The following NCAPD3 variants were observed in gnomAD, a reference collection of about 807,000 sequenced individuals.
NCAPD3 encodes condensin-2 complex subunit D3.
In NCAPD3, 105 loss-of-function variants were observed where a neutral mutation model predicts 182.9. That is an observed-to-expected ratio of 0.57 (90% CI 0.49 to 0.68). The LOEUF is 0.68. NCAPD3 is among the 30% of genes least tolerant of loss of function. The probability of loss-of-function intolerance (pLI) is 0.00; values close to 1 mark genes in which losing one functional copy is unlikely to be tolerated. For missense variants in NCAPD3, 1,944 were observed against 1,837.0 expected, an observed-to-expected ratio of 1.06 and a Z score of -1.07; for synonymous variants, 815 against 679.9, an observed-to-expected ratio of 1.20 and a Z score of -3.09.
rs1944551445 is a variant in NCAPD3 at position 134,192,777 on chromosome 11, G to C, written c.1957C>G (p.His653Asp). 5.6e-6 allele frequency: 9 copies of C among 1,614,228 alleles called. No homozygotes were observed. The highest frequency in any genetic ancestry group is 6.8e-6 in the Non-Finnish European group (8 of 1,180,050). ...TCCCCAGAGTGAAAATGACTGTGATGCCGGATGTTCTGCAGCAGCAGCTGG... is the reference window on the plus strand; with the variant it reads ...TCCCCAGAGTGAAAATGACTGTGATCCCGGATGTTCTGCAGCAGCAGCTGG... ...LDQLLLQNIRHHSHFHSGDDS... is the reference protein window; with the variant it reads ...LDQLLLQNIRDHSHFHSGDDS... Residue 653 changes from histidine to aspartate, a missense_variant, in exon 16 of 35, where the codon CAT (histidine) becomes GAT (aspartate). Physicochemically the swap from His to Asp is moderately conservative, Grantham distance 81. This residue lies in a region of NCAPD3 where 1,803 missense variants were observed against 1,674.6 expected (regional missense o/e 1.08). Transcript: ENST00000534548.
intron 13 of NCAPD3, among the ~76,000 whole-genome samples, chr11:134,196,435 G>T (rs751879381): frequency 1.3e-5 from 2 of 152,102 alleles, no homozygotes; most frequent in Non-Finnish European, 2.9e-5. Flanking sequence ...CCTGAGGTCA[G>T]GAGTTCAAGA....
chr11:134,179,173 G>C (rs534352875), intron 20 of NCAPD3, among the ~76,000 whole-genome samples: 76 of 152,288 alleles, frequency 5.0e-4, no homozygotes, highest in African/African-American at 1.7e-3. Flanking sequence ...ACATCTGCAA[G>C]TAAAAGGGGG....
intron 13 of NCAPD3, among the ~76,000 whole-genome samples, chr11:134,197,402 A>G (rs1591850847): frequency 6.7e-6 from 1 of 150,048 alleles, no homozygotes; most frequent in African/African-American, 2.5e-5. Flanking sequence ...TCAGCCTCCT[A>G]AGTAGCTGAG....
chr11:134,224,987 A>C, upstream of NCAPD3: 1 of 667,500 alleles, frequency 1.5e-6, no homozygotes, highest in Non-Finnish European at 2.1e-6. Flanking sequence ...GCCCGGCGGC[A>C]GCGGCGGAGC....
In NCAPD3 at chr11:134,204,012, A is replaced by G. The variant is rs757651468; in HGVS notation, c.1215+34T>C. ...AGACCCTTTTAAAAAGAGTTTAAAA[A>G]GGACCCAAGGTTTTATGCAGAGCTA... On this transcript the variant is annotated intron_variant, in intron 10 of 34. Transcript: ENST00000534548. The surrounding 1 kb of genome is among the most constrained non-coding windows in gnomAD (Gnocchi z 4.3). 3.1e-6 allele frequency: 5 copies of G among 1,603,078 alleles called. No individual in the cohort carries two copies. The African/African-American group carries it at 5.4e-5, about 17-fold the overall frequency.
At chr11:134,225,075 G>C, upstream of NCAPD3, 3 of 1,531,718 alleles carry the variant, frequency 2.0e-6, no homozygotes, top group Non-Finnish European at 2.6e-6. Flanking sequence ...CCCGCGCCCC[G>C]GTGCGAGGGA....
At chr11:134,224,213 C>T (rs751154697), upstream of NCAPD3, 10 of 538,884 alleles carry the variant, frequency 1.9e-5, no homozygotes, top group Non-Finnish European at 3.3e-5. Flanking sequence ...AGCGTTTTTC[C>T]CGCCTCGTTT....
At chr11:134,169,498 T>A (rs1943955150) in intron 24 of NCAPD3, among the ~76,000 whole-genome samples, 1 of 152,142 alleles carries the variant, frequency 6.6e-6, no homozygotes, top group Admixed American at 6.5e-5. Context: ...CAAAAACCAA[T>A]TTTAGTAACT....
chr11:134,188,496 T>A (rs1944458526), intron 16 of NCAPD3, among the ~76,000 whole-genome samples: 1 of 151,240 alleles, frequency 6.6e-6, no homozygotes, highest in African/African-American at 2.5e-5. Flanking sequence ...TGCTGCTCAC[T>A]CTTTGGGTCC....
At chr11:134,207,429 C>T (rs1378967920) in intron 7 of NCAPD3, among the ~76,000 whole-genome samples, 1 of 152,044 alleles carries the variant, frequency 6.6e-6, no homozygotes, top group Admixed American at 6.6e-5. Flanking sequence ...CATTGCCTGA[C>T]ATCAAGTCAG....
intron 28 of NCAPD3, among the ~76,000 whole-genome samples, chr11:134,161,530 A>G (rs1349504177): frequency 6.6e-6 from 1 of 152,242 alleles, no homozygotes; most frequent in Non-Finnish European, 1.5e-5. Context: ...CTTGAACTCC[A>G]TTAAGGGAAG....
chr11:134,204,923 G>A lies in NCAPD3; in HGVS notation c.1065C>T (p.Ile355=), dbSNP rs1813672559. 1.2e-6 allele frequency: 2 copies of A among 1,613,586 alleles called. No individual in the cohort carries two copies. Among genetic ancestry groups the A allele is most frequent in the Non-Finnish European group, 1.7e-6 (2 of 1,179,618 alleles). ...LKESIFPVVR[I]LLQHICAKVV... ...CCTTGGCACAGATGTGCTGCAGTAA[G>A]ATACGGACGACTGGGAATATACTCT... is the stretch of plus-strand genomic sequence containing the variant. Residue 355 remains isoleucine (I), a synonymous_variant, in exon 9 of 35, where the codon ATC becomes ATT. Coordinates refer to ENST00000534548, the MANE Select transcript of NCAPD3 (RefSeq NM_015261.3). The surrounding 1 kb of genome is among the most constrained non-coding windows in gnomAD (Gnocchi z 4.3).
chr11:134,167,258 C>T (rs1943860715), intron 27 of NCAPD3, among the ~76,000 whole-genome samples: 1 of 126,334 alleles, frequency 7.9e-6, no homozygotes, highest in Non-Finnish European at 1.6e-5. Flanking sequence ...GTGAGATGAG[C>T]TTAGGGGAGC....
At chr11:134,179,003 G>T in intron 20 of NCAPD3, 67 bp from the exon 21 acceptor site, 1 of 1,068,256 alleles carries the variant, frequency 9.4e-7, no homozygotes, top group Non-Finnish European at 1.4e-6. Flanking sequence ...CTAGATTAAG[G>T]ACATGTCAAT....
rs117572899 is a variant in NCAPD3, at chr11:134,170,971, G to A, written c.3102-1917C>T. Among the ~76,000 whole-genome samples, 89 of 152,328 alleles carry A rather than the reference G, an allele frequency of 5.8e-4. No homozygotes were observed. In the East Asian group the frequency reaches 0.016, roughly 27 times the overall value. ...CTGCAAGCTTCCTAATTGGAGAAGA[G>A]GGACTATTTTGTTTCTTGTTTGTCT... On this transcript the variant is annotated intron_variant, in intron 24 of 34. Transcript: ENST00000534548.
intron 13 of NCAPD3, among the ~76,000 whole-genome samples, chr11:134,195,912 G>T (rs993168090): frequency 1.3e-5 from 2 of 152,132 alleles, no homozygotes; most frequent in African/African-American, 4.8e-5. Context: ...TCAGAGTGTG[G>T]AAGGCAAATG....
chr11:134,203,874 G>C lies in NCAPD3; in HGVS notation c.1248C>G (p.Val416=), dbSNP rs2136011581. Reference sequence around the variant, plus strand: ...TTTCAGGCAGTTCTAACAGAGCTAAGACAACATCAAGAGTAAAAACCCGGT... The same window carrying C: ...TTTCAGGCAGTTCTAACAGAGCTAACACAACATCAAGAGTAAAAACCCGGT... ...IPHRVFTLDV[V]LALLELPERE... Residue 416 remains valine, a synonymous_variant, in exon 11 of 35, where the codon GTC becomes GTG. Transcript: ENST00000534548. 1 of 1,614,044 alleles carries C rather than the reference G, an allele frequency of 6.2e-7. No individual in the cohort carries two copies. Among genetic ancestry groups the C allele is most frequent in the Non-Finnish European group, 8.5e-7 (1 of 1,179,976 alleles).
At chr11:134,165,692 G>A (rs539794614) in intron 27 of NCAPD3, among the ~76,000 whole-genome samples, 1 of 146,866 alleles carries the variant, frequency 6.8e-6, no homozygotes, top group African/African-American at 2.5e-5. Flanking sequence ...TTTGTGAGAT[G>A]AGCTTGGGGG....
chr11:134,159,769 C>G, intron 29 of NCAPD3, 123 bp downstream of exon 29: 2 of 1,053,208 alleles, frequency 1.9e-6, no homozygotes, highest in East Asian at 2.6e-5. Flanking sequence ...GCAGCACTCT[C>G]GAGGCCTTCG....
Sources: allele counts gnomAD v4.1 joint callset (sites outside exome capture counted in the v4.1 genomes callset), GRCh38; gene constraint gnomAD v4.1.1; regional missense constraint gnomAD v4.1.1; non-coding constraint Gnocchi (gnomAD v3.1); transcripts MANE v1.5; gene names NCBI Gene and HGNC (gene_info 2026-07-23, HGNC 2026-07-21).